The following ZSWIM5 variants were observed in gnomAD, a reference collection of about 807,000 sequenced individuals.
The protein encoded by ZSWIM5 is zinc finger SWIM domain-containing protein 5.
ZSWIM5 carries 55 observed loss-of-function variants against 119.6 expected under a neutral mutation model. The observed-to-expected ratio is 0.46, with a 90% CI of 0.37 to 0.58. The LOEUF (loss-of-function observed/expected upper bound fraction) is 0.58. ZSWIM5 is among the 20% of genes least tolerant of loss of function. ZSWIM5 has a pLI of 0.00. For synonymous variants in ZSWIM5, 537 were observed against 606.9 expected (o/e 0.88, Z 1.69); for missense variants, 1,193 against 1,512.8 (o/e 0.79, Z 3.51).
chr1:45,044,678 C>T (rs1256933632), intron 5 of ZSWIM5, among the ~76,000 whole-genome samples: 1 of 107,926 alleles, frequency 9.3e-6, no homozygotes, highest in Admixed American at 1.1e-4. Context: ...GAGCCGAGAT[C>T]GCGCCACTGC....
At chr1:45,123,172 CAG>C (rs75456299) in intron 1 of ZSWIM5, among the ~76,000 whole-genome samples, 11,003 of 152,114 alleles carry the variant, frequency 0.072, 486 homozygotes, top group Non-Finnish European at 0.1. Context: ...AAATAAAATC[CAG>C]AGTCTTATAA....
intron 1 of ZSWIM5, among the ~76,000 whole-genome samples, chr1:45,124,595 AAAATG>A (rs1435951760): frequency 6.6e-6 from 1 of 152,168 alleles, no homozygotes; most frequent in Non-Finnish European, 1.5e-5. Flanking sequence ...AACAAAAAAT[AAAATG>A]AAAGACATGT....
chr1:45,064,347 T>C (rs1052352594), intron 2 of ZSWIM5, among the ~76,000 whole-genome samples: 5 of 152,162 alleles, frequency 3.3e-5, no homozygotes, highest in Non-Finnish European at 7.4e-5. Flanking sequence ...CCCAACTAAA[T>C]TGAAATTTTT....
intron 1 of ZSWIM5, among the ~76,000 whole-genome samples, chr1:45,115,782 C>T (rs1463142924): frequency 6.7e-6 from 1 of 149,756 alleles, no homozygotes; most frequent in Non-Finnish European, 1.5e-5. Flanking sequence ...GGCGGCCAGG[C>T]AGAGGGGCTC....
intron 3 of ZSWIM5, 27 bp downstream of exon 3, chr1:45,060,072 A>G: frequency 6.2e-7 from 1 of 1,613,262 alleles, no homozygotes; most frequent in South Asian, 1.1e-5. Flanking sequence ...GTCAACAACA[A>G]AAGAAAAACA....
Position 45,088,497 on chromosome 1 carries a change from T to C in ZSWIM5, c.596-260A>G, listed in dbSNP as rs1246009757. Among the ~76,000 whole-genome samples, 1 of 152,150 alleles carries C rather than the reference T, an allele frequency of 6.6e-6. No individual in the cohort carries two copies. The highest frequency in any genetic ancestry group is 1.5e-5 in the Non-Finnish European group (1 of 68,036). ...TGATATGAAAACTTTAGTTTGTACG[T>C]GTATACATTTTTCTGGGGGTGGGGA... On this transcript the variant is annotated intron_variant, in intron 1 of 13. Coordinates refer to ENST00000359600, the MANE Select transcript of ZSWIM5 (RefSeq NM_020883.2). This position sits in a 1 kb window ranked among gnomAD's most constrained non-coding sequence, Gnocchi z 4.2.
chr1:45,054,335 C>T (rs1266111751), intron 4 of ZSWIM5, among the ~76,000 whole-genome samples: 14 of 152,068 alleles, frequency 9.2e-5, no homozygotes. Context: ...ATGGTCCCAG[C>T]ACTTTGGGAG....
chr1:45,107,559 G>A (rs980538933), intron 1 of ZSWIM5, among the ~76,000 whole-genome samples: 4 of 149,650 alleles, frequency 2.7e-5, no homozygotes, highest in African/African-American at 7.4e-5. Context: ...GGAGAATGGC[G>A]TGAACCCGGG....
At chr1:45,142,319 C>T (rs952260549) in intron 1 of ZSWIM5, among the ~76,000 whole-genome samples, 9 of 152,104 alleles carry the variant, frequency 5.9e-5, no homozygotes, top group East Asian at 1.9e-4. Context: ...CAACATTCAC[C>T]AAAGATTAAA....
At chr1:45,052,162 A>C (rs1056633526) in intron 4 of ZSWIM5, among the ~76,000 whole-genome samples, 1 of 144,326 alleles carries the variant, frequency 6.9e-6, no homozygotes, top group Non-Finnish European at 1.5e-5. Context: ...AGTAGCTGGG[A>C]TTACAGGCAT....
At chr1:45,200,149 G>GC (rs1418098545) in intron 1 of ZSWIM5, among the ~76,000 whole-genome samples, 1 of 152,100 alleles carries the variant, frequency 6.6e-6, no homozygotes, top group Non-Finnish European at 1.5e-5. Flanking sequence ...CATTTACTGA[G>GC]CACCAACTTA....
In ZSWIM5 at chr1:45,024,411, C is replaced by G. The variant is rs142082517; in HGVS notation, c.2450-3623G>C. Among the ~76,000 whole-genome samples the G allele has an allele frequency of 1.8e-4, 28 of 151,512 alleles. No homozygotes were observed. In the East Asian group the frequency reaches 5.3e-3, roughly 29 times the overall value. ...TTCACCATGTTGACCAGGCTGGTCT[C>G]AAACTCCTGACCTCAGGTGATCCAC... On this transcript the variant is annotated intron_variant, in intron 11 of 13. Transcript: ENST00000359600.
At chr1:45,026,957 G>A (rs994239988) in intron 11 of ZSWIM5, among the ~76,000 whole-genome samples, 1 of 151,954 alleles carries the variant, frequency 6.6e-6, no homozygotes, top group African/African-American at 2.4e-5. Flanking sequence ...TTTTTTTCAA[G>A]AAATTGGTCC....
At chr1:45,193,613 A>G (rs1012604416) in intron 1 of ZSWIM5, among the ~76,000 whole-genome samples, 27 of 152,142 alleles carry the variant, frequency 1.8e-4, no homozygotes, top group Non-Finnish European at 3.8e-4. Context: ...CCTTTAAGAG[A>G]TCAATTTTAA....
At chr1:45,050,293 G>A (rs1249870990) in intron 5 of ZSWIM5, among the ~76,000 whole-genome samples, 1 of 152,144 alleles carries the variant, frequency 6.6e-6, no homozygotes, top group Non-Finnish European at 1.5e-5. Context: ...GGAGGCAGAG[G>A]TTGCAGTGAG....
At chr1:45,129,318 CT>C (rs1216465389) in intron 1 of ZSWIM5, among the ~76,000 whole-genome samples, 1 of 152,090 alleles carries the variant, frequency 6.6e-6, no homozygotes, top group African/African-American at 2.4e-5. Flanking sequence ...GCCACCACCC[CT>C]GGCTAATTTT....
chr1:45,019,812 T>G lies in ZSWIM5; in HGVS notation c.2695+254A>C, dbSNP rs1293750519. Among the ~76,000 whole-genome samples the G allele has an allele frequency of 6.6e-6, 1 of 152,146 alleles. No homozygotes were observed. Among genetic ancestry groups the G allele is most frequent in the African/African-American group, 2.4e-5 (1 of 41,438 alleles). On this transcript the variant is annotated intron_variant, in intron 13 of 13. Coordinates refer to ENST00000359600, the MANE Select transcript of ZSWIM5 (RefSeq NM_020883.2). The surrounding 1 kb of genome is among the most constrained non-coding windows in gnomAD (Gnocchi z 5.0). ...TTGAGTAGCAACTGAAAATTCATTC[T>G]CTTAGACATGTCTCTGTTGAGAGGA...
At chr1:45,189,844 A>G (rs34134455) in intron 1 of ZSWIM5, among the ~76,000 whole-genome samples, 23,834 of 152,226 alleles carry the variant, frequency 0.16, 1,946 homozygotes, top group African/African-American at 0.17. Flanking sequence ...TGGTGTTTAC[A>G]AAATAAAGCA....
Position 45,205,999 on chromosome 1 carries a change from G to C in ZSWIM5, c.352C>G (p.Arg118Gly). ...EICMYSSFQY[R>G]GGPGAGAAGG... is the part of the protein sequence containing the mutation. ...GCAGCGCCGGCGCCGGGGCCGCCCCGGTACTGGAAGCTGGAGTACATGCAG... is the reference window on the plus strand; with the variant it reads ...GCAGCGCCGGCGCCGGGGCCGCCCCCGTACTGGAAGCTGGAGTACATGCAG... The change falls in exon 1 of 14, where the codon CGG becomes GGG. Residue 118 changes from arginine to glycine, a missense_variant. Arg to Gly is a moderately radical substitution (Grantham distance 125). Around this residue, in one of 2 missense-constraint regions of ZSWIM5, gnomAD observed 232 missense variants for 222.9 expected, o/e 1.04. Transcript: ENST00000359600. 6.5e-7 allele frequency: 1 copy of C among 1,532,034 alleles called. No homozygotes were observed. The highest frequency in any genetic ancestry group is 8.8e-7 in the Non-Finnish European group (1 of 1,139,780). The allele number at this position is 1,532,034 out of a possible 1,614,324, so 94.9% of individuals were successfully genotyped here.
Sources: gnomAD v4.1 joint callset for allele counts (sites outside exome capture counted in the v4.1 genomes callset) on GRCh38, gnomAD v4.1.1 for gene constraint, gnomAD v4.1.1 regional missense constraint, Gnocchi (gnomAD v3.1) non-coding constraint, MANE v1.5 for transcripts, NCBI Gene and HGNC (gene_info 2026-07-23, HGNC 2026-07-21) for gene names.